STMN3: variants seen among roughly 807,000 people sequenced by gnomAD.
STMN3 encodes the protein stathmin-3.
STMN3 carries 24 observed loss-of-function variants against 23.2 expected under a neutral mutation model. The ratio of observed to expected loss-of-function variants is 1.03; its 90% CI spans 0.75 to 1.45. The LOEUF (loss-of-function observed/expected upper bound fraction) is 1.45, where lower values mean the gene tolerates loss of function less well. Among genes scored for constraint, STMN3 ranks in the 40% most tolerant of loss-of-function variants. The pLI is 0.00. For missense variants in STMN3, 235 were observed against 237.6 expected, an observed-to-expected ratio of 0.99 and a Z score of 0.07; for synonymous variants, 117 against 103.4, an observed-to-expected ratio of 1.13 and a Z score of -0.80.
At chr20:63,647,902 A>G (rs915199759) in intron 1 of STMN3, among the ~76,000 whole-genome samples, 6 of 128,394 alleles carry the variant, frequency 4.7e-5, no homozygotes, top group African/African-American at 1.4e-4. Flanking sequence ...ACGTATATAT[A>G]CACGTGTGTA....
chr20:63,640,019 T>C lies in STMN3; in HGVS notation c.*1319A>G, dbSNP rs1173563189. On this transcript the variant is annotated 3_prime_UTR_variant, in exon 5 of 5. Transcript: ENST00000370053. ...GGGGTCAGGATCCTCCCGTGGTCCCTGGGTGTGACTCTGGAAGACACTGGC... is the reference window on the plus strand; with the variant it reads ...GGGGTCAGGATCCTCCCGTGGTCCCCGGGTGTGACTCTGGAAGACACTGGC... 5.2e-5 allele frequency: 8 copies of C among 152,758 alleles called. No homozygotes were observed. The highest frequency in any genetic ancestry group is 5.2e-4 in the Admixed American group (8 of 15,276). 9.5% of individuals were successfully genotyped at this position (152,758 alleles called of 1,614,324 possible). A position where few individuals can be genotyped will look rare whatever the true frequency, so the allele number is the denominator to read the frequency against.
At chr20:63,646,226 G>A (rs926267311) in intron 1 of STMN3, among the ~76,000 whole-genome samples, 3 of 152,070 alleles carry the variant, frequency 2.0e-5, no homozygotes, top group Non-Finnish European at 4.4e-5. Flanking sequence ...GAGCCTTTGG[G>A]GGAAGGAATG....
intron 1 of STMN3, among the ~76,000 whole-genome samples, chr20:63,649,822 G>T (rs1446898862): frequency 7.1e-6 from 1 of 140,812 alleles, no homozygotes. Context: ...GAGCCACCGC[G>T]CCTGGACTTT....
At chr20:63,644,034 AG>A (rs2089789669) in intron 2 of STMN3, 103 bp from the exon 3 acceptor site, 1 of 1,488,704 alleles carries the variant, frequency 6.7e-7, no homozygotes, top group Non-Finnish European at 9.1e-7. Context: ...GCTGGGCGAG[AG>A]GGGGTGGCTG....
Position 63,641,491 on chromosome 20 carries a change from C to G in STMN3, c.484-94G>C, listed in dbSNP as rs2089761849. 9.7e-6 allele frequency: 10 copies of G among 1,032,120 alleles called. No individual in the cohort carries two copies. The South Asian group carries it at 1.3e-4, about 14-fold the overall frequency. The allele number at this position is 1,032,120 out of a possible 1,614,324, so 63.9% of individuals were successfully genotyped here. ...GCGCAGGCCGTGGCGCCCTGGCACCCGCCCGGCCTCATCCGGGCTGGCCTT... is the reference window on the plus strand; with the variant it reads ...GCGCAGGCCGTGGCGCCCTGGCACCGGCCCGGCCTCATCCGGGCTGGCCTT... On this transcript the variant is annotated intron_variant, in intron 4 of 4. Coordinates refer to ENST00000370053, the MANE Select transcript of STMN3 (RefSeq NM_015894.4).
rs773487459 is a variant in STMN3, at chr20:63,642,345, G to A, written c.292-46C>T. 4 of 1,341,690 alleles carry A rather than the reference G, an allele frequency of 3.0e-6. No homozygotes were observed. In the African/African-American group the frequency reaches 4.6e-5, roughly 15 times the overall value. 83.1% of individuals were successfully genotyped at this position (1,341,690 alleles called of 1,614,324 possible). ...CGCGTGAGCGGCAACCCCGGGCCCTGCCCGGCCGGACTCCTCCCTGCTCTC... is the reference window on the plus strand; with the variant it reads ...CGCGTGAGCGGCAACCCCGGGCCCTACCCGGCCGGACTCCTCCCTGCTCTC... On this transcript the variant is annotated intron_variant, in intron 3 of 4. Coordinates refer to ENST00000370053, the MANE Select transcript of STMN3 (RefSeq NM_015894.4).
chr20:63,643,966 C>T, intron 2 of STMN3, 35 bp from the exon 3 acceptor site: 1 of 1,583,100 alleles, frequency 6.3e-7, no homozygotes, highest in Admixed American at 2.0e-5. Flanking sequence ...CTTCAGAGGC[C>T]CGGCCAGGGC....
intron 1 of STMN3, 54 bp downstream of exon 1, chr20:63,653,272 CG>C (rs2089875231): frequency 6.5e-7 from 1 of 1,533,198 alleles, no homozygotes; most frequent in Non-Finnish European, 8.8e-7. Context: ...CGAGGCCAGA[CG>C]AGGCCTCTGC....
At chr20:63,641,427 G>A (rs1333151353) in intron 4 of STMN3, 30 bp from the exon 5 acceptor site, 6 of 1,545,548 alleles carry the variant, frequency 3.9e-6, no homozygotes, top group Non-Finnish European at 2.6e-6. Context: ...AGGGCCTGAG[G>A]GCGGGGGTGG....
Position 63,652,541 on chromosome 20 carries a change from G to C in STMN3, c.19+786C>G, listed in dbSNP as rs1195040119. 8.2e-6 allele frequency: 8 copies of C among 981,464 alleles called. No individual in the cohort carries two copies. Among genetic ancestry groups the C allele is most frequent in the African/African-American group, 1.8e-5 (1 of 57,114 alleles). 60.8% of individuals were successfully genotyped at this position (981,464 alleles called of 1,614,324 possible). A position where few individuals can be genotyped will look rare whatever the true frequency, so the allele number is the denominator to read the frequency against. On this transcript the variant is annotated intron_variant, in intron 1 of 4. Coordinates refer to ENST00000370053, the MANE Select transcript of STMN3 (RefSeq NM_015894.4). The surrounding 1 kb of genome is among the most constrained non-coding windows in gnomAD (Gnocchi z 5.3). ...CCGCCCCTCCGCCTGAGCTCCGCGC[G>C]GGACGGGCCGGGAGGCCGGGGTGGG... is the stretch of plus-strand genomic sequence containing the variant.
At chr20:63,641,871 C>G (rs1221821027) in intron 4 of STMN3, among the ~76,000 whole-genome samples, 2 of 144,902 alleles carry the variant, frequency 1.4e-5, no homozygotes, top group East Asian at 4.2e-4. Context: ...GCCCCGCCCC[C>G]TGCCTGCTGC....
intron 1 of STMN3, among the ~76,000 whole-genome samples, chr20:63,650,122 C>CCGGCCCCCCGCAG (rs2089846074): frequency 1.2e-5 from 1 of 86,902 alleles, no homozygotes; most frequent in Non-Finnish European, 2.3e-5. Context: ...GCCCCCGCGC[C>CCGGCCCCCCGCAG]TGGCCCCCCG....
At chr20:63,651,721 T>C (rs1055865170) in intron 1 of STMN3, among the ~76,000 whole-genome samples, 5 of 152,208 alleles carry the variant, frequency 3.3e-5, no homozygotes, top group Admixed American at 1.3e-4. Context: ...CCGTCATCTC[T>C]ACCCAGATAA....
chr20:63,651,428 C>T (rs567049933), intron 1 of STMN3, among the ~76,000 whole-genome samples: 2 of 152,286 alleles, frequency 1.3e-5, no homozygotes, highest in East Asian at 3.9e-4. Flanking sequence ...CAGGGGACCA[C>T]AGTGGCCTCT....
At chr20:63,643,024 C>G (rs866377021) in intron 3 of STMN3, among the ~76,000 whole-genome samples, 43 of 152,108 alleles carry the variant, frequency 2.8e-4, no homozygotes, top group South Asian at 8.3e-4. Context: ...GGGAGGGGAC[C>G]TGGAGCCCAC....
rs1327509802 is a variant in STMN3 at position 63,643,932 on chromosome 20, C to T, written c.116-1G>A. On this transcript the variant is annotated splice_acceptor_variant, in intron 2 of 4. Coordinates refer to ENST00000370053, the MANE Select transcript of STMN3 (RefSeq NM_015894.4). LOFTEE classifies it high-confidence loss of function. ...TTGTCCAGCTGCTTCACCTCCATGT[C>T]TGCAGGGCAAGACCAGAGTAGAGCT... 6.3e-6 allele frequency: 10 copies of T among 1,595,004 alleles called. No individual in the cohort carries two copies. The highest frequency in any genetic ancestry group is 8.5e-6 in the Non-Finnish European group (10 of 1,175,286).
chr20:63,651,231 G>A (rs1021378839), intron 1 of STMN3, among the ~76,000 whole-genome samples: 2 of 152,194 alleles, frequency 1.3e-5, no homozygotes, highest in African/African-American at 4.8e-5. Flanking sequence ...AAAGTGCTGG[G>A]ATTACAGGCA....
intron 4 of STMN3, among the ~76,000 whole-genome samples, chr20:63,641,705 C>T (rs2089763691): frequency 6.6e-6 from 1 of 152,264 alleles, no homozygotes; most frequent in Non-Finnish European, 1.5e-5. Flanking sequence ...GTTACTGTCC[C>T]GCCAGGACCA....
At position 63,652,750 on chromosome 20, in the gene STMN3, C is replaced by T. The variant is rs557995513; in HGVS notation, c.19+577G>A. The T allele has an allele frequency of 2.1e-4, 203 of 985,934 alleles. No homozygotes were observed. The highest frequency in any genetic ancestry group is 2.4e-4 in the Non-Finnish European group (199 of 830,382). The allele number at this position is 985,934 out of a possible 1,614,324, so 61.1% of individuals were successfully genotyped here. A position where few individuals can be genotyped will look rare whatever the true frequency, so the allele number is the denominator to read the frequency against. ...CGCGGGCGTCGCAAAGGGTGGTCCC[C>T]GAGGCCGCAGCGGTGTGGGGGGAGG... is the stretch of plus-strand genomic sequence containing the variant. On this transcript the variant is annotated intron_variant, in intron 1 of 4. Coordinates refer to ENST00000370053, the MANE Select transcript of STMN3 (RefSeq NM_015894.4). This position sits in a 1 kb window ranked among gnomAD's most constrained non-coding sequence, Gnocchi z 5.3.
Sources: gnomAD v4.1 joint callset for allele counts (sites outside exome capture counted in the v4.1 genomes callset) on GRCh38, gnomAD v4.1.1 for gene constraint, Gnocchi (gnomAD v3.1) non-coding constraint, MANE v1.5 for transcripts, NCBI Gene and HGNC (gene_info 2026-07-23, HGNC 2026-07-21) for gene names.